Variants in DLGAP2 observed in about 807,000 individuals in gnomAD.
DLGAP2 encodes DLG associated protein 2.
In DLGAP2, 26 loss-of-function variants were observed where a neutral mutation model predicts 100.3. The observed-to-expected ratio is 0.26, with a 90% CI of 0.19 to 0.36. The LOEUF (loss-of-function observed/expected upper bound fraction) is 0.36. Among genes scored for constraint, DLGAP2 ranks in the 10% least tolerant of loss-of-function variants. DLGAP2 has a pLI of 1.00. For synonymous variants in DLGAP2, 886 were observed against 630.1 expected, an observed-to-expected ratio of 1.41 and a Z score of -6.08; for missense variants, 1,858 against 1,453.2, an observed-to-expected ratio of 1.28 and a Z score of -4.53.
chr8:928,054 C>G (rs758092593), intron 2 of DLGAP2, among the ~76,000 whole-genome samples: 2 of 152,158 alleles, frequency 1.3e-5, no homozygotes, highest in Non-Finnish European at 2.9e-5. Flanking sequence ...ACCAGAGTTC[C>G]CTGCCCAGGG....
chr8:1,041,248 C>G (rs1411525395), intron 2 of DLGAP2, among the ~76,000 whole-genome samples: 3 of 152,212 alleles, frequency 2.0e-5, no homozygotes, highest in African/African-American at 7.2e-5. Flanking sequence ...TGATGGCGAT[C>G]TTATGTTAAC....
intron 2 of DLGAP2, among the ~76,000 whole-genome samples, chr8:1,184,357 G>A (rs1797454474): frequency 6.6e-6 from 1 of 152,250 alleles, no homozygotes; most frequent in South Asian, 2.1e-4. Context: ...TGGAGTGTGG[G>A]CGCTTCTGGG....
chr8:1,323,117 C>A (rs1800944306), intron 3 of DLGAP2, among the ~76,000 whole-genome samples: 1 of 151,728 alleles, frequency 6.6e-6, no homozygotes, highest in Non-Finnish European at 1.5e-5. Flanking sequence ...GCAACCTCCG[C>A]CTCCCAGGTT....
intron 1 of DLGAP2, among the ~76,000 whole-genome samples, chr8:843,756 C>T (rs1347153273): frequency 6.6e-6 from 1 of 152,196 alleles, no homozygotes; most frequent in African/African-American, 2.4e-5. Flanking sequence ...ATTCCTCACG[C>T]AGAGTAGTTG....
intron 2 of DLGAP2, among the ~76,000 whole-genome samples, chr8:971,417 G>A (rs879829436): frequency 2.0e-5 from 3 of 152,182 alleles, no homozygotes; most frequent in Non-Finnish European, 4.4e-5. Flanking sequence ...CAGGGCACGT[G>A]TTCCTCCCCA....
chr8:907,069 C>T (rs916810552), intron 1 of DLGAP2, among the ~76,000 whole-genome samples: 3 of 152,134 alleles, frequency 2.0e-5, no homozygotes, highest in East Asian at 1.9e-4. Context: ...GAAAGTCGAT[C>T]GAGGGCAAAC....
chr8:1,489,178 A>T (rs942399805), intron 3 of DLGAP2, among the ~76,000 whole-genome samples: 1 of 152,202 alleles, frequency 6.6e-6, no homozygotes, highest in Non-Finnish European at 1.5e-5. Flanking sequence ...ACAACATTCC[A>T]TGCTGAAGTT....
At chr8:1,321,021 G>A (rs543580237) in intron 3 of DLGAP2, among the ~76,000 whole-genome samples, 9 of 151,660 alleles carry the variant, frequency 5.9e-5, no homozygotes, top group Admixed American at 3.9e-4. Context: ...GTGGGCATCC[G>A]TGTGCCTCTG....
intron 3 of DLGAP2, among the ~76,000 whole-genome samples, chr8:1,282,037 A>G (rs1362546018): frequency 2.1e-5 from 3 of 146,134 alleles, no homozygotes; most frequent in Admixed American, 6.7e-5. Flanking sequence ...AGCACCATGA[A>G]CCATCCGGAC....
chr8:1,272,748 C>T (rs1324084569), intron 3 of DLGAP2, among the ~76,000 whole-genome samples: 1 of 152,066 alleles, frequency 6.6e-6, no homozygotes, highest in African/African-American at 2.4e-5. Flanking sequence ...AGGACTCGGA[C>T]CACGGGTGAC....
At chr8:1,066,329 A>G (rs1203793131) in intron 2 of DLGAP2, among the ~76,000 whole-genome samples, 1 of 149,430 alleles carries the variant, frequency 6.7e-6, no homozygotes, top group Non-Finnish European at 1.5e-5. Context: ...GGCAGGTCTG[A>G]GCGAGGGCAG....
intron 6 of DLGAP2, among the ~76,000 whole-genome samples, chr8:1,601,445 C>T (rs1303661676): frequency 6.6e-6 from 1 of 152,202 alleles, no homozygotes; most frequent in Non-Finnish European, 1.5e-5. Context: ...GAGGCAGAAA[C>T]GTTTACGTCT....
At position 1,083,265 on chromosome 8, in the gene DLGAP2, G is replaced by A. The variant is rs1165733129; in HGVS notation, c.73+175299G>A. 6.6e-5 allele frequency among the ~76,000 whole-genome samples: 10 copies of A among 152,278 alleles called. No homozygotes were observed. The East Asian group carries it at 1.7e-3, about 26-fold the overall frequency. Reference sequence around the variant, plus strand: ...GGGCAGGGCATCGTCTCACAGCCCCGGTTCCTAGTGACCAAGGCCAAGCGT... The same window carrying A: ...GGGCAGGGCATCGTCTCACAGCCCCAGTTCCTAGTGACCAAGGCCAAGCGT... On this transcript the variant is annotated intron_variant, in intron 2 of 14. Transcript: ENST00000637795.
intron 1 of DLGAP2, among the ~76,000 whole-genome samples, chr8:749,965 G>A (rs1329512684): frequency 2.0e-5 from 3 of 152,120 alleles, no homozygotes; most frequent in Non-Finnish European, 2.9e-5. Context: ...CTTCTCCTGG[G>A]GTCTCCCCTT....
At chr8:1,571,455 AG>A (rs1222485234) in intron 6 of DLGAP2, among the ~76,000 whole-genome samples, 3 of 117,374 alleles carry the variant, frequency 2.6e-5, no homozygotes, top group Non-Finnish European at 3.4e-5. Flanking sequence ...TGGAGAGGAG[AG>A]AGGGGTGAAC....
intron 3 of DLGAP2, among the ~76,000 whole-genome samples, chr8:1,327,510 A>G (rs538648792): frequency 1.1e-3 from 164 of 152,318 alleles, no homozygotes; most frequent in African/African-American, 3.7e-3. Flanking sequence ...GAGAAGTTGA[A>G]CTTGACCTTT....
chr8:1,103,159 G>A (rs905266041), intron 2 of DLGAP2, among the ~76,000 whole-genome samples: 45 of 152,146 alleles, frequency 3.0e-4, no homozygotes, highest in Non-Finnish European at 5.4e-4. Context: ...GAAGGGAACG[G>A]AGGTGGCCGT....
chr8:1,325,956 A>G (rs1435622380), intron 3 of DLGAP2, among the ~76,000 whole-genome samples: 1 of 152,126 alleles, frequency 6.6e-6, no homozygotes, highest in East Asian at 1.9e-4. Context: ...CCCGTAAGCT[A>G]TAAGGCCCAT....
chr8:1,486,598 G>A (rs780106550), intron 3 of DLGAP2, among the ~76,000 whole-genome samples: 13 of 149,510 alleles, frequency 8.7e-5, no homozygotes, highest in Non-Finnish European at 1.3e-4. Context: ...GAGATGCGGC[G>A]GCGGCTCCTG....
Sources: allele counts gnomAD v4.1 joint callset (sites outside exome capture counted in the v4.1 genomes callset), GRCh38; gene constraint gnomAD v4.1.1; transcripts MANE v1.5; gene names NCBI Gene and HGNC (gene_info 2026-07-23, HGNC 2026-07-21).